Variants in MNAT1 observed in about 807,000 individuals in gnomAD.
MNAT1 encodes MNAT1 component of CDK activating kinase.
A neutral mutation model predicts 42.0 loss-of-function variants in MNAT1; 43 were observed. That is an observed-to-expected ratio of 1.02 (90% CI 0.80 to 1.32). MNAT1 has a LOEUF of 1.32. Ranked by LOEUF, MNAT1 falls within the 40% of genes most tolerant of loss-of-function variation. The pLI is 0.00. For missense variants in MNAT1, 306 were observed against 350.4 expected, an observed-to-expected ratio of 0.87 and a Z score of 1.01; for synonymous variants, 118 against 120.0, an observed-to-expected ratio of 0.98 and a Z score of 0.11.
At chr14:60,920,147 CTGGG>C (rs2035624535) in intron 7 of MNAT1, 1 of 152,336 alleles carries the variant, frequency 6.6e-6, no homozygotes, top group Non-Finnish European at 1.5e-5. Flanking sequence ...GCCATTGGGG[CTGGG>C]CTTCATGGCA....
chr14:60,793,282 C>G (rs1234080409), intron 1 of MNAT1, among the ~76,000 whole-genome samples: 1 of 152,070 alleles, frequency 6.6e-6, no homozygotes, highest in African/African-American at 2.4e-5. Flanking sequence ...GCCCAAGTGA[C>G]CTGCCTGCCT....
chr14:60,812,902 ATTC>A (rs2139354728), intron 5 of MNAT1, among the ~76,000 whole-genome samples: 2 of 152,226 alleles, frequency 1.3e-5, no homozygotes, highest in East Asian at 3.9e-4. Context: ...CTGTGACCTC[ATTC>A]TTCTTGGATG....
chr14:60,966,523 T>A (rs996800484), intron 7 of MNAT1, among the ~76,000 whole-genome samples: 1 of 152,036 alleles, frequency 6.6e-6, no homozygotes, highest in Non-Finnish European at 1.5e-5. Context: ...CATTCATTAA[T>A]TTATTTAGAG....
chr14:60,757,674 T>G (rs953977632), intron 1 of MNAT1, among the ~76,000 whole-genome samples: 1 of 152,180 alleles, frequency 6.6e-6, no homozygotes, highest in African/African-American at 2.4e-5. Flanking sequence ...CCTGTGGCAT[T>G]TGTCTGAGAA....
intron 7 of MNAT1, among the ~76,000 whole-genome samples, chr14:60,911,193 C>T (rs985899079): frequency 7.2e-5 from 11 of 151,918 alleles, no homozygotes; most frequent in South Asian, 2.1e-4. Flanking sequence ...TTTTTTATTG[C>T]GTCTATTTGA....
intron 7 of MNAT1, among the ~76,000 whole-genome samples, chr14:60,908,508 T>A (rs1175789759): frequency 1.3e-5 from 2 of 150,748 alleles, no homozygotes; most frequent in Non-Finnish European, 3.0e-5. Flanking sequence ...GTGTGTGATG[T>A]TCCCCTTCCT....
At chr14:60,867,066 G>A (rs772763009) in intron 6 of MNAT1, among the ~76,000 whole-genome samples, 1 of 152,002 alleles carries the variant, frequency 6.6e-6, no homozygotes, top group Admixed American at 6.6e-5. Context: ...GAGTTTCCAG[G>A]GCTAATTTGC....
chr14:60,746,724 G>C (rs1287164230), intron 1 of MNAT1, among the ~76,000 whole-genome samples: 1 of 149,900 alleles, frequency 6.7e-6, no homozygotes, highest in Non-Finnish European at 1.5e-5. Context: ...ATGACTATTA[G>C]TGTACTTTAG....
At position 60,812,136 on chromosome 14, in the gene MNAT1, TA is replaced by T. The variant is rs1489371237; in HGVS notation, c.561+11del. On this transcript the variant is annotated intron_variant, in intron 5 of 7. Transcript: ENST00000261245. ...CTTTTTTAGATGAGCTGGTATGTATTAATGCTAATTGTGATTGTAAAAAACA... is the reference window on the plus strand; with the variant it reads ...CTTTTTTAGATGAGCTGGTATGTATTATGCTAATTGTGATTGTAAAAAACA... 1.3e-6 allele frequency: 2 copies of T among 1,552,550 alleles called. No homozygotes were observed. The highest frequency in any genetic ancestry group is 1.7e-6 in the Non-Finnish European group (2 of 1,156,672).
intron 1 of MNAT1, among the ~76,000 whole-genome samples, chr14:60,768,934 C>A (rs932696497): frequency 6.6e-6 from 1 of 152,128 alleles, no homozygotes; most frequent in Admixed American, 6.5e-5. Context: ...TACCCTACTC[C>A]TAAGATTATA....
chr14:60,865,269 A>G (rs1207898140), intron 6 of MNAT1, among the ~76,000 whole-genome samples: 1 of 152,096 alleles, frequency 6.6e-6, no homozygotes, highest in Admixed American at 6.6e-5. Flanking sequence ...GTATTTGTAG[A>G]TAATTTTATA....
chr14:60,837,018 CTG>C (rs946539395), intron 6 of MNAT1, among the ~76,000 whole-genome samples: 4 of 152,194 alleles, frequency 2.6e-5, no homozygotes, highest in Non-Finnish European at 5.9e-5. Flanking sequence ...TTTGTTTACA[CTG>C]TGAGGGGAAA....
intron 1 of MNAT1, among the ~76,000 whole-genome samples, chr14:60,737,240 A>T (rs1258765098): frequency 6.6e-6 from 1 of 152,080 alleles, no homozygotes; most frequent in Non-Finnish European, 1.5e-5. Flanking sequence ...AAAGGTAAAA[A>T]TTTCTGTGGT....
In MNAT1 at chr14:60,858,032, C is replaced by A. The variant is rs542470461; in HGVS notation, c.688-21682C>A. On this transcript the variant is annotated intron_variant, in intron 6 of 7. Coordinates refer to ENST00000261245, the MANE Select transcript of MNAT1 (RefSeq NM_002431.4). ...CTATTGTGAATAGTGCCTCAGTAAA[C>A]ATACGTGTGCATGTGTCTTTATAGC... 2.7e-4 allele frequency among the ~76,000 whole-genome samples: 41 copies of A among 152,268 alleles called. No individual in the cohort carries two copies. The South Asian group carries it at 7.0e-3, about 26-fold the overall frequency.
At chr14:60,906,724 A>C (rs1029183211) in intron 7 of MNAT1, among the ~76,000 whole-genome samples, 6 of 152,216 alleles carry the variant, frequency 3.9e-5, no homozygotes, top group African/African-American at 1.4e-4. Context: ...ACTGAATAAA[A>C]GTCTTTTTAA....
At chr14:60,801,961 G>T (rs1490083117) in intron 3 of MNAT1, among the ~76,000 whole-genome samples, 4 of 152,194 alleles carry the variant, frequency 2.6e-5, no homozygotes, top group Non-Finnish European at 4.4e-5. Flanking sequence ...AGGTAATTCT[G>T]TAATATGCAA....
chr14:60,771,230 C>T (rs1457299650), intron 1 of MNAT1, among the ~76,000 whole-genome samples: 1 of 151,792 alleles, frequency 6.6e-6, no homozygotes, highest in African/African-American at 2.4e-5. Flanking sequence ...TATTGTCAGA[C>T]TTTAAAATTA....
intron 6 of MNAT1, among the ~76,000 whole-genome samples, chr14:60,873,421 A>G (rs2034371426): frequency 6.6e-6 from 1 of 152,002 alleles, no homozygotes; most frequent in South Asian, 2.1e-4. Flanking sequence ...TTCATCACCT[A>G]GGGATAGTTT....
At chr14:60,781,779 A>G (rs933193558) in intron 1 of MNAT1, among the ~76,000 whole-genome samples, 4 of 152,086 alleles carry the variant, frequency 2.6e-5, no homozygotes, top group African/African-American at 9.7e-5. Flanking sequence ...TTTTGTGTAT[A>G]GGGTGAAAGA....
Sources: gnomAD v4.1 joint callset for allele counts (sites outside exome capture counted in the v4.1 genomes callset) on GRCh38, gnomAD v4.1.1 for gene constraint, MANE v1.5 for transcripts, NCBI Gene and HGNC (gene_info 2026-07-23, HGNC 2026-07-21) for gene names.